The following PIAS1 variants were observed in gnomAD, a reference collection of about 807,000 sequenced individuals.
The protein encoded by PIAS1 is E3 SUMO-protein ligase PIAS1.
A neutral mutation model predicts 71.3 loss-of-function variants in PIAS1; 6 were observed. That is an observed-to-expected ratio of 0.08 (90% CI 0.05 to 0.17). The LOEUF is 0.17. Among genes scored for constraint, PIAS1 ranks in the 10% least tolerant of loss-of-function variants. The probability of loss-of-function intolerance (pLI) is 1.00; values close to 1 mark genes in which losing one functional copy is unlikely to be tolerated. For missense variants in PIAS1, 555 were observed against 793.6 expected (o/e 0.70, Z 3.61); for synonymous variants, 303 against 292.9 (o/e 1.03, Z -0.35).
rs145280358 is a variant in PIAS1, at chr15:68,142,406, G to A, written c.602+69G>A. On this transcript the variant is annotated intron_variant, in intron 4 of 13. Transcript: ENST00000249636. ...TATTCCTTTTCACAGTACGGGTCCA[G>A]TTAAGGTACAGTGCTGACTGTAGGA... The A allele has an allele frequency of 9.7e-5, 114 of 1,169,666 alleles. No individual in the cohort carries two copies. In the East Asian group the frequency reaches 2.2e-3, roughly 23 times the overall value. The allele number at this position is 1,169,666 out of a possible 1,614,324, so 72.5% of individuals were successfully genotyped here.
chr15:68,132,658 G>T (rs1197520354), intron 2 of PIAS1, among the ~76,000 whole-genome samples: 1 of 152,064 alleles, frequency 6.6e-6, no homozygotes, highest in Non-Finnish European at 1.5e-5. Context: ...TTAAGGGAAG[G>T]TTTATCTGCA....
At chr15:68,119,217 T>G (rs1415725170) in intron 2 of PIAS1, among the ~76,000 whole-genome samples, 1 of 99,652 alleles carries the variant, frequency 1.0e-5, no homozygotes, top group Non-Finnish European at 1.8e-5. Context: ...CTGGCCAACA[T>G]GGTGAAACCC....
chr15:68,189,828 T>G lies in PIAS1; in HGVS notation c.*1993T>G, dbSNP rs1303314685. 6.6e-6 allele frequency: 1 copy of G among 152,234 alleles called. No homozygotes were observed. The highest frequency in any genetic ancestry group is 1.5e-5 in the Non-Finnish European group (1 of 68,034). The allele number at this position is 152,234 out of a possible 1,614,324, so 9.4% of individuals were successfully genotyped here. On this transcript the variant is annotated 3_prime_UTR_variant, in exon 14 of 14. Coordinates refer to ENST00000249636, the MANE Select transcript of PIAS1 (RefSeq NM_016166.3). ...AACAGTTAATGTTTTTTAATGAATC[T>G]GGCATTATAGTGAGCAAATGTCGTA...
chr15:68,135,433 C>T (rs1171487973), intron 2 of PIAS1, among the ~76,000 whole-genome samples: 7 of 36,378 alleles, frequency 1.9e-4, no homozygotes, highest in African/African-American at 3.2e-4. Flanking sequence ...CACCTCCCAG[C>T]AGGGGTGGCT....
At position 68,178,394 on chromosome 15, in the gene PIAS1, ATAATT is replaced by A. The variant is rs1285937892; in HGVS notation, c.1481+1744_1481+1748del. ...AGTATCATCATTCTAAACAAAGTGAATAATTTAAGCACAAATCCTACTGTTATGAA... is the reference window on the plus strand; with the variant it reads ...AGTATCATCATTCTAAACAAAGTGAATAAGCACAAATCCTACTGTTATGAA... On this transcript the variant is annotated intron_variant, in intron 11 of 13. Coordinates refer to ENST00000249636, the MANE Select transcript of PIAS1 (RefSeq NM_016166.3). This position sits in a 1 kb window ranked among gnomAD's most constrained non-coding sequence, Gnocchi z 4.2. 7.9e-5 allele frequency among the ~76,000 whole-genome samples: 12 copies of A among 152,358 alleles called. No individual in the cohort carries two copies. The highest frequency in any genetic ancestry group is 5.8e-4 in the East Asian group (3 of 5,196).
chr15:68,147,256 G>A (rs754162481), intron 6 of PIAS1, among the ~76,000 whole-genome samples: 4 of 152,116 alleles, frequency 2.6e-5, no homozygotes, highest in Non-Finnish European at 5.9e-5. Flanking sequence ...TTGCGTGCTC[G>A]TTAACACTAT....
chr15:68,172,706 G>GC (rs1489525935), intron 8 of PIAS1, among the ~76,000 whole-genome samples: 1 of 152,244 alleles, frequency 6.6e-6, no homozygotes, highest in Non-Finnish European at 1.5e-5. Context: ...AGTGGTACAA[G>GC]CTGGCTTCCA....
At chr15:68,081,906 TAAAAA>T (rs567041899) in intron 1 of PIAS1, among the ~76,000 whole-genome samples, 1 of 142,442 alleles carries the variant, frequency 7.0e-6, no homozygotes, top group Non-Finnish European at 1.5e-5. Flanking sequence ...TTTATGCAAT[TAAAAA>T]AAAAAAAGAC....
At chr15:68,143,836 G>T (rs1023514537) in intron 4 of PIAS1, among the ~76,000 whole-genome samples, 2 of 151,856 alleles carry the variant, frequency 1.3e-5, no homozygotes, top group African/African-American at 4.8e-5. Context: ...AACCAAAGTG[G>T]GGCTTCTTTT....
rs1218811538 is a variant in PIAS1 at position 68,134,420 on chromosome 15, A to C, written c.470-7526A>C. On this transcript the variant is annotated intron_variant, in intron 2 of 13. Transcript: ENST00000249636. ...GGCTGGCCGGGCAGAGGGGCTCCTC[A>C]CCACCCAGTAGGAGCGGCTGGGCAG... Among the ~76,000 whole-genome samples, 3 of 49,552 alleles carry C rather than the reference A, an allele frequency of 6.1e-5. 1 individual carries two copies. The highest frequency in any genetic ancestry group is 2.3e-4 in the Non-Finnish European group (3 of 13,060). 32.5% of individuals were successfully genotyped at this position (49,552 alleles called of 152,430 possible). A position where few individuals can be genotyped will look rare whatever the true frequency, so the allele number is the denominator to read the frequency against.
intron 8 of PIAS1, among the ~76,000 whole-genome samples, chr15:68,168,956 C>T (rs747586929): frequency 6.6e-6 from 1 of 152,134 alleles, no homozygotes; most frequent in Non-Finnish European, 1.5e-5. Flanking sequence ...AGATGAAGGC[C>T]TTTGGAAAAC....
At chr15:68,176,780 T>G (rs1279851030) in intron 11 of PIAS1, 126 bp downstream of exon 11, 1 of 720,874 alleles carries the variant, frequency 1.4e-6, no homozygotes, top group East Asian at 2.8e-5. Context: ...AAGAATAGTT[T>G]GAATTTTTCC....
In PIAS1 at chr15:68,173,604, A is replaced by G. The variant is rs2093004786; in HGVS notation, c.1009-128A>G. 5 of 491,290 alleles carry G rather than the reference A, an allele frequency of 1.0e-5. No homozygotes were observed. The highest frequency in any genetic ancestry group is 1.1e-4 in the South Asian group (2 of 18,078). The allele number at this position is 491,290 out of a possible 1,614,324, so 30.4% of individuals were successfully genotyped here. On this transcript the variant is annotated intron_variant, in intron 8 of 13. Coordinates refer to ENST00000249636, the MANE Select transcript of PIAS1 (RefSeq NM_016166.3). The surrounding 1 kb of genome is among the most constrained non-coding windows in gnomAD (Gnocchi z 4.3). Reference sequence around the variant, plus strand: ...GGAAATGTGTTTAATGTTCTTCTACATTGATGAAAAGTCAACACTGTATGC... The same window carrying G: ...GGAAATGTGTTTAATGTTCTTCTACGTTGATGAAAAGTCAACACTGTATGC...
intron 2 of PIAS1, 23 bp from the exon 3 acceptor site, chr15:68,141,923 A>G: frequency 1.3e-6 from 2 of 1,526,426 alleles, no homozygotes; most frequent in African/African-American, 1.4e-5. Context: ...GGTAATTGAA[A>G]GTATAATTCT....
intron 4 of PIAS1, among the ~76,000 whole-genome samples, chr15:68,143,006 A>C (rs939290478): frequency 5.9e-5 from 9 of 151,988 alleles, no homozygotes; most frequent in African/African-American, 2.2e-4. Flanking sequence ...TAGCCCATTC[A>C]TTTGTCTTAG....
At chr15:68,144,890 GC>G (rs1159401683) in intron 4 of PIAS1, among the ~76,000 whole-genome samples, 1 of 152,024 alleles carries the variant, frequency 6.6e-6, no homozygotes, top group East Asian at 1.9e-4. Flanking sequence ...AGATTTCATG[GC>G]CAGCAGGTTA....
intron 2 of PIAS1, among the ~76,000 whole-genome samples, chr15:68,135,186 C>T (rs866516321): frequency 0.054 from 1,914 of 35,468 alleles, 13 homozygotes; most frequent in African/African-American, 0.09. Context: ...GCTGGCCGGG[C>T]GGGGGGCTGA....
At chr15:68,166,643 T>C (rs1213006847) in intron 8 of PIAS1, among the ~76,000 whole-genome samples, 1 of 152,214 alleles carries the variant, frequency 6.6e-6, no homozygotes. Context: ...AAAGTGTTTA[T>C]AGTTGTACTA....
chr15:68,137,312 A>T (rs146173744), intron 2 of PIAS1, among the ~76,000 whole-genome samples: 1 of 152,200 alleles, frequency 6.6e-6, no homozygotes. Context: ...TAAAATGTTC[A>T]TATGTCCCCT....
Sources: gnomAD v4.1 joint callset for allele counts (sites outside exome capture counted in the v4.1 genomes callset) on GRCh38, gnomAD v4.1.1 for gene constraint, Gnocchi (gnomAD v3.1) non-coding constraint, MANE v1.5 for transcripts, NCBI Gene and HGNC (gene_info 2026-07-23, HGNC 2026-07-21) for gene names.